The following DYSF variants were observed in gnomAD, a reference collection of about 807,000 sequenced individuals.
DYSF encodes the protein dysferlin, also known as dystrophy-associated fer-1-like 1.
Under a neutral mutation model 274.9 loss-of-function variants are expected in DYSF, and 212 were observed. The ratio of observed to expected loss-of-function variants is 0.77; its 90% confidence interval spans 0.69 to 0.86. The LOEUF is 0.86. Ranked by LOEUF, DYSF falls within the 40% of genes least tolerant of loss-of-function variation. The pLI is 0.00. For missense variants in DYSF, 2,666 were observed against 2,783.2 expected, an observed-to-expected ratio of 0.96 and a Z score of 0.95; for synonymous variants, 1,091 against 1,078.7, an observed-to-expected ratio of 1.01 and a Z score of -0.22.
intron 42 of DYSF, among the ~76,000 whole-genome samples, chr2:71,647,908 GA>G (rs921660764): frequency 1.3e-5 from 2 of 152,212 alleles, no homozygotes; most frequent in Admixed American, 1.3e-4. Flanking sequence ...CGTGGATACG[GA>G]AACTTTGGAG....
At position 71,564,052 on chromosome 2, in the gene DYSF, G is replaced by A. The variant is rs113640471; in HGVS notation, c.2410-6G>A. ...ATCCCCACCCCGACCACCACCCTCT[G>A]TTCAGCCCCAGAACAGCCTGCCGGA... On this transcript the variant is annotated splice_region_variant and splice_polypyrimidine_tract_variant and intron_variant, in intron 23 of 55. Coordinates refer to ENST00000410020, the MANE Select transcript of DYSF (RefSeq NM_001130987.2). The A allele has an allele frequency of 1.7e-5, 28 of 1,613,992 alleles. No individual in the cohort carries two copies. Among genetic ancestry groups the A allele is most frequent in the African/African-American group, 1.6e-4 (12 of 75,072 alleles).
At chr2:71,470,061 G>A (rs2081867508) in intron 1 of DYSF, among the ~76,000 whole-genome samples, 1 of 152,132 alleles carries the variant, frequency 6.6e-6, no homozygotes, top group African/African-American at 2.4e-5. Context: ...TTCCTTGAAG[G>A]CCAGATCTGC....
chr2:71,551,017 C>G (rs2090904685), intron 17 of DYSF, 24 bp from the exon 18 acceptor site: 1 of 1,609,862 alleles, frequency 6.2e-7, no homozygotes. Context: ...GCCGACCCCT[C>G]TGATTGCCAC....
intron 51 of DYSF, among the ~76,000 whole-genome samples, chr2:71,672,619 G>T (rs1229805577): frequency 6.6e-6 from 1 of 152,150 alleles, no homozygotes; most frequent in African/African-American, 2.4e-5. Context: ...GAGCGCCTGG[G>T]ACCTGGGGGG....
intron 33 of DYSF, 24 bp from the exon 34 acceptor site, chr2:71,600,678 C>T (rs1167244249): frequency 6.2e-7 from 1 of 1,613,998 alleles, no homozygotes; most frequent in Admixed American, 1.7e-5. Context: ...GATGCTGATT[C>T]TTGTCTCTCT....
At chr2:71,612,302 G>C (rs986990773) in intron 38 of DYSF, among the ~76,000 whole-genome samples, 3 of 152,098 alleles carry the variant, frequency 2.0e-5, no homozygotes, top group African/African-American at 4.8e-5. Flanking sequence ...TATCCACTTG[G>C]GGGGACTGTC....
chr2:71,581,721 C>T (rs1416804303), intron 30 of DYSF, among the ~76,000 whole-genome samples: 1 of 152,254 alleles, frequency 6.6e-6, no homozygotes, highest in Non-Finnish European at 1.5e-5. Context: ...CTTAACCTCT[C>T]TGGGCCCCAG....
At chr2:71,496,367 A>G (rs2084392688) in intron 3 of DYSF, among the ~76,000 whole-genome samples, 1 of 151,988 alleles carries the variant, frequency 6.6e-6, no homozygotes, top group Admixed American at 6.5e-5. Context: ...CAGTGCCAGA[A>G]TCAGTGCAGG....
intron 36 of DYSF, among the ~76,000 whole-genome samples, chr2:71,608,934 G>GT (rs373998170): frequency 6.7e-4 from 98 of 146,678 alleles, no homozygotes; most frequent in Middle Eastern, 3.5e-3. Context: ...CTCCCTGATG[G>GT]TTTTTTTTTT....
intron 1 of DYSF, among the ~76,000 whole-genome samples, chr2:71,467,287 G>A (rs558385810): frequency 6.6e-6 from 1 of 152,300 alleles, no homozygotes; most frequent in East Asian, 1.9e-4. Flanking sequence ...AGGAATCAGG[G>A]CCTCTGAAAA....
At chr2:71,536,554 G>T (rs543987081) in intron 16 of DYSF, among the ~76,000 whole-genome samples, 1 of 152,244 alleles carries the variant, frequency 6.6e-6, no homozygotes, top group Non-Finnish European at 1.5e-5. Context: ...GTGTCTCTGC[G>T]TGTTTGCGCA....
chr2:71,672,611 G>A (rs1229630832), intron 51 of DYSF, among the ~76,000 whole-genome samples: 2 of 152,190 alleles, frequency 1.3e-5, no homozygotes, highest in Non-Finnish European at 2.9e-5. Context: ...AGCATAATGA[G>A]CGCCTGGGAC....
Position 71,660,627 on chromosome 2 carries a change from G to A in DYSF, c.4979G>A (p.Cys1660Tyr). 6.2e-7 allele frequency: 1 copy of A among 1,614,066 alleles called. No individual in the cohort carries two copies. The highest frequency in any genetic ancestry group is 1.6e-4 in the Middle Eastern group (1 of 6,062). The change falls in exon 45 of 56, where the codon TGC becomes TAC. Residue 1660 changes from cysteine to tyrosine, a missense_variant. Coordinates refer to ENST00000410020, the MANE Select transcript of DYSF (RefSeq NM_001130987.2). ...AGTGACCAGGATAACTACATCCCCTGCACGCTGGAGCCCGTATTTGGAAAG... is the reference window on the plus strand; with the variant it reads ...AGTGACCAGGATAACTACATCCCCTACACGCTGGAGCCCGTATTTGGAAAG... ...SVSDQDNYIP[C>Y]TLEPVFGKMF...
chr2:71,571,887 CTCACACCCAGCACACACACAGA>C (rs2092494033), intron 29 of DYSF, among the ~76,000 whole-genome samples: 2 of 103,010 alleles, frequency 1.9e-5, no homozygotes, highest in Admixed American at 1.9e-4. Context: ...GCACACACAG[CTCACACCCAGCACACACACAGA>C]TCACACCCAG....
chr2:71,640,943 C>A (rs2094476229), intron 41 of DYSF, among the ~76,000 whole-genome samples: 2 of 152,088 alleles, frequency 1.3e-5, no homozygotes, highest in South Asian at 4.1e-4. Flanking sequence ...TTTCCACTTT[C>A]TTTTAAGGTT....
At chr2:71,461,277 C>T (rs934800549) in intron 1 of DYSF, among the ~76,000 whole-genome samples, 1 of 145,342 alleles carries the variant, frequency 6.9e-6, no homozygotes, top group Non-Finnish European at 1.5e-5. Flanking sequence ...CAGTCATTTG[C>T]CAGAGGGACC....
At chr2:71,650,722 A>G (rs113314213) in intron 42 of DYSF, among the ~76,000 whole-genome samples, 195 of 152,300 alleles carry the variant, frequency 1.3e-3, no homozygotes, top group African/African-American at 4.3e-3. Context: ...AACAAGATCA[A>G]AAGCCCAAAA....
intron 8 of DYSF, 139 bp from the exon 9 acceptor site, chr2:71,516,041 C>A: frequency 1.0e-6 from 1 of 965,058 alleles, no homozygotes; most frequent in Non-Finnish European, 1.6e-6. Flanking sequence ...CTTGTCCAAT[C>A]CCCAGAACTG....
chr2:71,569,974 T>G, intron 27 of DYSF, 40 bp downstream of exon 27: 1 of 1,583,960 alleles, frequency 6.3e-7, no homozygotes, highest in Non-Finnish European at 8.7e-7. Flanking sequence ...TCTAGACATT[T>G]GGTCTCTGGA....
Sources: allele counts gnomAD v4.1 joint callset (sites outside exome capture counted in the v4.1 genomes callset), GRCh38; gene constraint gnomAD v4.1.1; transcripts MANE v1.5; gene names NCBI Gene and HGNC (gene_info 2026-07-23, HGNC 2026-07-21).